DMC1: variants seen among roughly 807,000 people sequenced by gnomAD.
The protein encoded by DMC1 is meiotic recombination protein DMC1 homolog.
Under a neutral mutation model 50.1 loss-of-function variants are expected in DMC1, and 27 were observed. The ratio of observed to expected loss-of-function variants is 0.54; its 90% CI spans 0.40 to 0.74. The LOEUF is 0.74. Among genes scored for constraint, DMC1 ranks in the 30% least tolerant of loss-of-function variants. The pLI, the probability that DMC1 is intolerant of heterozygous loss-of-function variation, is 0.00. For synonymous variants in DMC1, 148 were observed against 136.1 expected, an observed-to-expected ratio of 1.09 and a Z score of -0.61; for missense variants, 295 against 420.2, an observed-to-expected ratio of 0.70 and a Z score of 2.60.
intron 12 of DMC1, among the ~76,000 whole-genome samples, chr22:38,535,598 TA>T (rs539378604): frequency 1.2e-3 from 175 of 151,948 alleles, no homozygotes; most frequent in Middle Eastern, 3.4e-3. Flanking sequence ...TAAAAACCTT[TA>T]AAAAAATCTT....
chr22:38,520,434 T>G (rs1209465963), intron 13 of DMC1, among the ~76,000 whole-genome samples: 1 of 152,076 alleles, frequency 6.6e-6, no homozygotes. Flanking sequence ...CTCGTCTCAC[T>G]GCAACCTCTG....
intron 8 of DMC1, among the ~76,000 whole-genome samples, chr22:38,540,940 T>C (rs1035681028): frequency 6.6e-6 from 1 of 152,196 alleles, no homozygotes; most frequent in Non-Finnish European, 1.5e-5. Context: ...AAAGTGCCCT[T>C]ATACAAAGGC....
At chr22:38,568,488 T>C (rs2090604849) in intron 1 of DMC1, 199 bp from the exon 2 acceptor site, 2 of 567,710 alleles carry the variant, frequency 3.5e-6, no homozygotes, top group African/African-American at 1.9e-5. Context: ...TGTGTGTGTG[T>C]CCCCACATGC....
At chr22:38,538,719 C>T in intron 9 of DMC1, 107 bp from the exon 10 acceptor site, 1 of 987,194 alleles carries the variant, frequency 1.0e-6, no homozygotes, top group East Asian at 2.4e-5. Context: ...GAAGGATTTT[C>T]TTAATTATTG....
At chr22:38,550,854 C>T (rs1220489387) in intron 7 of DMC1, among the ~76,000 whole-genome samples, 3 of 140,284 alleles carry the variant, frequency 2.1e-5, no homozygotes, top group East Asian at 4.3e-4. Context: ...TTGCTTGAAC[C>T]TGGGAGGCGG....
the DMC1 span, among the ~76,000 whole-genome samples, chr22:38,510,304 A>G: frequency 6.6e-6 from 1 of 151,960 alleles, no homozygotes; most frequent in South Asian, 2.1e-4. Flanking sequence ...AAATACAAAA[A>G]ATTAGCCAGG....
At chr22:38,541,492 A>G (rs1412763778) in intron 8 of DMC1, among the ~76,000 whole-genome samples, 4 of 152,154 alleles carry the variant, frequency 2.6e-5, no homozygotes, top group Non-Finnish European at 5.9e-5. Context: ...AGGTTTCGCC[A>G]TGTTGGCCAG....
intron 7 of DMC1, among the ~76,000 whole-genome samples, chr22:38,550,265 A>T (rs1360768298): frequency 1.3e-5 from 2 of 151,966 alleles, no homozygotes; most frequent in African/African-American, 4.8e-5. Context: ...TCTCCCAAAG[A>T]ATGGAAATAA....
the DMC1 span, among the ~76,000 whole-genome samples, chr22:38,509,589 A>G: frequency 3.3e-5 from 5 of 152,056 alleles, no homozygotes; most frequent in South Asian, 2.1e-4. Flanking sequence ...ATTCAACGGA[A>G]CTGTTTTAGT....
intron 12 of DMC1, among the ~76,000 whole-genome samples, chr22:38,529,074 C>T (rs2090127377): frequency 6.6e-6 from 1 of 151,738 alleles, no homozygotes; most frequent in African/African-American, 2.4e-5. Flanking sequence ...GCAGTGGCAC[C>T]ATCTCGGCTC....
intron 5 of DMC1, among the ~76,000 whole-genome samples, chr22:38,560,251 A>G (rs1267963413): frequency 6.6e-6 from 1 of 152,024 alleles, no homozygotes; most frequent in Non-Finnish European, 1.5e-5. Context: ...ATGTAGATCT[A>G]AGAGGAAAGA....
chr22:38,545,161 C>T (rs1053305998), intron 8 of DMC1, among the ~76,000 whole-genome samples: 13 of 152,022 alleles, frequency 8.6e-5, no homozygotes, highest in Non-Finnish European at 1.8e-4. Context: ...GTAATCCCAG[C>T]ACTTTGGGAG....
intron 5 of DMC1, among the ~76,000 whole-genome samples, chr22:38,555,836 A>AT (rs113436661): frequency 2.9e-4 from 42 of 146,662 alleles, no homozygotes; most frequent in East Asian, 5.9e-4. Flanking sequence ...TATTATTATT[A>AT]TTTTTTTTTT....
At chr22:38,538,753 A>C (rs1332406329) in intron 9 of DMC1, 141 bp from the exon 10 acceptor site, 8 of 819,496 alleles carry the variant, frequency 9.8e-6, no homozygotes, top group Non-Finnish European at 1.4e-5. Context: ...ATATTATTGC[A>C]GCAGGGCATG....
At chr22:38,551,738 T>A (rs1233202111) in intron 7 of DMC1, among the ~76,000 whole-genome samples, 1 of 152,150 alleles carries the variant, frequency 6.6e-6, no homozygotes, top group African/African-American at 2.4e-5. Context: ...GGCACTGTCA[T>A]TATTTCAATT....
rs534501849 is a variant in DMC1, at chr22:38,523,596, T to G, written c.837-1872A>C. On this transcript the variant is annotated intron_variant, in intron 12 of 13. Coordinates refer to ENST00000216024, the MANE Select transcript of DMC1 (RefSeq NM_007068.4). ...CACTAAGCTCCTTAAGGGCAGACTATATTGTGTTTAGTTCTGCACAACCAG... is the reference window on the plus strand; with the variant it reads ...CACTAAGCTCCTTAAGGGCAGACTAGATTGTGTTTAGTTCTGCACAACCAG... Among the ~76,000 whole-genome samples the G allele has an allele frequency of 2.6e-5, 4 of 152,320 alleles. No homozygotes were observed. In the East Asian group the frequency reaches 5.8e-4, roughly 22 times the overall value.
chr22:38,533,871 A>C (rs1294604505), intron 12 of DMC1, among the ~76,000 whole-genome samples: 1 of 152,216 alleles, frequency 6.6e-6, no homozygotes, highest in Non-Finnish European at 1.5e-5. Context: ...AACATCACTA[A>C]TAATGGGACA....
chr22:38,528,065 T>TC (rs1273593103), intron 12 of DMC1, among the ~76,000 whole-genome samples: 3 of 142,304 alleles, frequency 2.1e-5, no homozygotes, highest in African/African-American at 7.7e-5. Flanking sequence ...TATATTGAAT[T>TC]TTTTTTTTTT....
At chr22:38,555,985 C>T (rs1303594628) in intron 5 of DMC1, among the ~76,000 whole-genome samples, 2 of 152,074 alleles carry the variant, frequency 1.3e-5, no homozygotes, top group South Asian at 2.1e-4. Context: ...GTGCCTGCCA[C>T]CACGCCAGGC....
Sources: gnomAD v4.1 joint callset for allele counts (sites outside exome capture counted in the v4.1 genomes callset) on GRCh38, gnomAD v4.1.1 for gene constraint, MANE v1.5 for transcripts, NCBI Gene and HGNC (gene_info 2026-07-23, HGNC 2026-07-21) for gene names.